The following AKAP6 variants were observed in gnomAD, a reference collection of about 807,000 sequenced individuals.
AKAP6 encodes A-kinase anchor protein 6.
A neutral mutation model predicts 188.5 loss-of-function variants in AKAP6; 58 were observed. The observed-to-expected ratio is 0.31, with a 90% CI of 0.25 to 0.38. AKAP6 has a LOEUF of 0.38. Ranked by LOEUF, AKAP6 falls within the 10% of genes least tolerant of loss-of-function variation. The pLI, the probability that AKAP6 is intolerant of heterozygous loss-of-function variation, is 1.00. For synonymous variants in AKAP6, 989 were observed against 998.6 expected, an observed-to-expected ratio of 0.99 and a Z score of 0.18; for missense variants, 2,710 against 2,740.0, an observed-to-expected ratio of 0.99 and a Z score of 0.24.
At chr14:32,659,957 C>T (rs927544210) in intron 7 of AKAP6, among the ~76,000 whole-genome samples, 8 of 151,866 alleles carry the variant, frequency 5.3e-5, no homozygotes, top group Non-Finnish European at 1.0e-4. Context: ...ACAAAAGACA[C>T]ATAACTGCTT....
intron 2 of AKAP6, among the ~76,000 whole-genome samples, chr14:32,513,407 T>C (rs947332958): frequency 6.6e-6 from 1 of 152,212 alleles, no homozygotes; most frequent in Non-Finnish European, 1.5e-5. Context: ...ATTAATGATA[T>C]GTTATTTATC....
chr14:32,749,730 A>G (rs188473502), intron 11 of AKAP6, among the ~76,000 whole-genome samples: 3 of 152,366 alleles, frequency 2.0e-5, no homozygotes, highest in Admixed American at 6.5e-5. Flanking sequence ...CAGATCTATA[A>G]GATATGTAAG....
At chr14:32,445,997 A>T (rs1186242634) in intron 2 of AKAP6, among the ~76,000 whole-genome samples, 1 of 152,198 alleles carries the variant, frequency 6.6e-6, no homozygotes, top group Non-Finnish European at 1.5e-5. Flanking sequence ...GTATTTAGGA[A>T]TGATTTGAGG....
chr14:32,458,044 A>T (rs1157283901), intron 2 of AKAP6, among the ~76,000 whole-genome samples: 1 of 152,202 alleles, frequency 6.6e-6, no homozygotes, highest in Non-Finnish European at 1.5e-5. Flanking sequence ...GTGAGTGAAA[A>T]GCCTTGGCAA....
At chr14:32,529,882 A>G (rs1043537830) in intron 2 of AKAP6, among the ~76,000 whole-genome samples, 1 of 152,238 alleles carries the variant, frequency 6.6e-6, no homozygotes, top group Non-Finnish European at 1.5e-5. Flanking sequence ...TAAAATATAA[A>G]ATACATGTAT....
intron 8 of AKAP6, among the ~76,000 whole-genome samples, chr14:32,685,724 CAAA>C (rs71115091): frequency 3.9e-4 from 34 of 86,186 alleles, no homozygotes; most frequent in African/African-American, 1.3e-3. Context: ...GACTCCATCT[CAAA>C]AAAAAAAAAA....
chr14:32,743,770 T>A (rs935995028), intron 11 of AKAP6, among the ~76,000 whole-genome samples: 2 of 152,198 alleles, frequency 1.3e-5, no homozygotes, highest in Admixed American at 6.5e-5. Flanking sequence ...TTATTTTTTT[T>A]TGGTTCATCA....
At chr14:32,515,862 G>T (rs543587279) in intron 2 of AKAP6, among the ~76,000 whole-genome samples, 1 of 152,302 alleles carries the variant, frequency 6.6e-6, no homozygotes, top group South Asian at 2.1e-4. Context: ...AAGCAAAATA[G>T]ACAAAGTGCT....
chr14:32,563,057 C>A (rs189216778), intron 4 of AKAP6, among the ~76,000 whole-genome samples: 1 of 152,122 alleles, frequency 6.6e-6, no homozygotes, highest in Non-Finnish European at 1.5e-5. Context: ...ACTTCCAAAA[C>A]CACCTTGCTC....
At chr14:32,787,581 C>A (rs956569021) in intron 12 of AKAP6, among the ~76,000 whole-genome samples, 1 of 152,056 alleles carries the variant, frequency 6.6e-6, no homozygotes, top group Non-Finnish European at 1.5e-5. Context: ...TGACTTGTGG[C>A]AATTATTTTT....
intron 1 of AKAP6, among the ~76,000 whole-genome samples, chr14:32,344,592 C>G (rs1040921701): frequency 6.6e-6 from 1 of 152,140 alleles, no homozygotes; most frequent in Non-Finnish European, 1.5e-5. Flanking sequence ...TGGGTGACCA[C>G]TGTGTTAAGC....
intron 2 of AKAP6, among the ~76,000 whole-genome samples, chr14:32,453,373 T>C (rs1188599122): frequency 1.3e-5 from 2 of 152,088 alleles, no homozygotes; most frequent in African/African-American, 4.8e-5. Flanking sequence ...AATGATATAG[T>C]CACGAGGTGG....
In AKAP6 at chr14:32,833,966, AC is replaced by A. The variant is rs1416673186; in HGVS notation, c.*4162del. On this transcript the variant is annotated 3_prime_UTR_variant, in exon 14 of 14. Transcript: ENST00000280979. ...TTACTTCATCTCTGTATACACACAC[AC>A]TTTTTTGTATGATTAAATCATTTGA... 2.0e-5 allele frequency: 3 copies of A among 152,182 alleles called. No homozygotes were observed. Among genetic ancestry groups the A allele is most frequent in the South Asian group, 2.1e-4 (1 of 4,832 alleles). 9.4% of individuals were successfully genotyped at this position (152,182 alleles called of 1,614,324 possible).
rs1168961991 is a variant in AKAP6 at position 32,489,978 on chromosome 14, G to A, written c.325-45576G>A. Among the ~76,000 whole-genome samples the A allele has an allele frequency of 2.6e-5, 4 of 152,174 alleles. No homozygotes were observed. The East Asian group carries it at 7.7e-4, about 29-fold the overall frequency. Reference sequence around the variant, plus strand: ...ATTATCATTAGTTCTTATAGGTTTTGGGATAGGCAGTGGAGTTAGGAGCAA... The same window carrying A: ...ATTATCATTAGTTCTTATAGGTTTTAGGATAGGCAGTGGAGTTAGGAGCAA... On this transcript the variant is annotated intron_variant, in intron 2 of 13. Coordinates refer to ENST00000280979, the MANE Select transcript of AKAP6 (RefSeq NM_004274.5).
chr14:32,510,458 A>ATATG (rs1282392259), intron 2 of AKAP6, among the ~76,000 whole-genome samples: 7 of 73,542 alleles, frequency 9.5e-5, no homozygotes, highest in African/African-American at 2.5e-4. Context: ...ATACATATAT[A>ATATG]TGTGTATATA....
intron 8 of AKAP6, among the ~76,000 whole-genome samples, chr14:32,689,302 AT>A (rs1890066191): frequency 6.6e-6 from 1 of 152,116 alleles, no homozygotes; most frequent in African/African-American, 2.4e-5. Flanking sequence ...GTTGGTTAGA[AT>A]TTTTAATGGA....
At chr14:32,417,181 A>G (rs1202072370) in intron 1 of AKAP6, among the ~76,000 whole-genome samples, 1 of 152,196 alleles carries the variant, frequency 6.6e-6, no homozygotes, top group Non-Finnish European at 1.5e-5. Context: ...TCACAGTCTG[A>G]ATCCAAGATG....
intron 1 of AKAP6, among the ~76,000 whole-genome samples, chr14:32,380,654 A>G (rs1361541834): frequency 6.6e-6 from 1 of 152,180 alleles, no homozygotes; most frequent in African/African-American, 2.4e-5. Context: ...CTCATAAGGG[A>G]AAGCAATCCC....
At chr14:32,600,845 C>G (rs1408987089) in intron 7 of AKAP6, 53 bp downstream of exon 7, 6 of 1,510,014 alleles carry the variant, frequency 4.0e-6, no homozygotes, top group African/African-American at 1.4e-5. Flanking sequence ...TTCTTTTGAA[C>G]TAGGCACCAC....
Sources: allele counts gnomAD v4.1 joint callset (sites outside exome capture counted in the v4.1 genomes callset), GRCh38; gene constraint gnomAD v4.1.1; transcripts MANE v1.5; gene names NCBI Gene and HGNC (gene_info 2026-07-23, HGNC 2026-07-21).